Variants in LAP3 observed in about 807,000 individuals in gnomAD.
LAP3 encodes the protein leucine aminopeptidase 3.
Under a neutral mutation model 58.8 loss-of-function variants are expected in LAP3, and 46 were observed. The ratio of observed to expected loss-of-function variants is 0.78; its 90% CI spans 0.62 to 1.00. LAP3 has a LOEUF of 1.00. Ranked by LOEUF, LAP3 falls within the 50% of genes least tolerant of loss-of-function variation. LAP3 has a pLI of 0.00. For missense variants in LAP3, 615 were observed against 659.1 expected (o/e 0.93, Z 0.73); for synonymous variants, 257 against 237.7 (o/e 1.08, Z -0.75).
rs10939736 is a variant in LAP3 at position 17,579,994 on chromosome 4, T to A, written c.218+55T>A. The A allele has an allele frequency of 0.64, 662,558 of 1,029,210 alleles. 216,967 individuals are homozygous for A. The highest frequency in any genetic ancestry group is 0.9 in the East Asian group (36,123 of 40,218). The allele number at this position is 1,029,210 out of a possible 1,614,324, so 63.8% of individuals were successfully genotyped here. On this transcript the variant is annotated intron_variant, in intron 2 of 12. Coordinates refer to ENST00000226299, the MANE Select transcript of LAP3 (RefSeq NM_015907.3). ...AAAGTGCCCCCAAATCGAAACAGTA[T>A]TTTTTCTTTCTTTTCTTTTTTGAAA...
intron 7 of LAP3, among the ~76,000 whole-genome samples, chr4:17,593,352 T>G (rs1228697843): frequency 2.0e-5 from 3 of 152,090 alleles, no homozygotes; most frequent in Non-Finnish European, 4.4e-5. Flanking sequence ...ACTTCTGCAC[T>G]GTTTGTTGAA....
chr4:17,585,570 G>A (rs1168464074), intron 6 of LAP3: 1 of 155,822 alleles, frequency 6.4e-6, no homozygotes, highest in Non-Finnish European at 1.4e-5. Flanking sequence ...TTACAGGTGT[G>A]TGCCACCATG....
intron 10 of LAP3, among the ~76,000 whole-genome samples, chr4:17,601,736 T>G (rs1030153645): frequency 6.6e-6 from 1 of 152,104 alleles, no homozygotes; most frequent in Non-Finnish European, 1.5e-5. Context: ...CCTAATACAA[T>G]GTAAATGCTA....
chr4:17,593,426 T>C (rs1412128839), intron 7 of LAP3, among the ~76,000 whole-genome samples: 4 of 152,056 alleles, frequency 2.6e-5, no homozygotes, highest in Non-Finnish European at 5.9e-5. Flanking sequence ...GTCCATATAA[T>C]TGTAGGTCTG....
intron 7 of LAP3, among the ~76,000 whole-genome samples, chr4:17,590,557 A>G (rs1383041874): frequency 6.6e-6 from 1 of 152,138 alleles, no homozygotes; most frequent in African/African-American, 2.4e-5. Context: ...CTATTGTACT[A>G]AAGTGTCTAT....
At position 17,590,084 on chromosome 4, in the gene LAP3, A is replaced by G. The variant is rs536763349; in HGVS notation, c.863+1107A>G. On this transcript the variant is annotated intron_variant, in intron 7 of 12. Transcript: ENST00000226299. Reference sequence around the variant, plus strand: ...GGATGCCAGCGAGTATGAGACGTAAAAAGGGCTACTTAGCAAAAAAACTAG... The same window carrying G: ...GGATGCCAGCGAGTATGAGACGTAAGAAGGGCTACTTAGCAAAAAAACTAG... 5.7e-4 allele frequency among the ~76,000 whole-genome samples: 87 copies of G among 152,314 alleles called. 1 individual carries two copies. The South Asian group carries it at 0.018, about 31-fold the overall frequency.
intron 11 of LAP3, among the ~76,000 whole-genome samples, chr4:17,604,984 C>T (rs1243814027): frequency 1.3e-5 from 2 of 152,076 alleles, no homozygotes; most frequent in Non-Finnish European, 2.9e-5. Context: ...TGTGGAGCAG[C>T]GTTTGTGACT....
intron 10 of LAP3, among the ~76,000 whole-genome samples, chr4:17,600,629 G>GT (rs1553882373): frequency 6.6e-6 from 1 of 152,046 alleles, no homozygotes; most frequent in Non-Finnish European, 1.5e-5. Context: ...TTGGCCCTAC[G>GT]TAAGCAAGGG....
intron 10 of LAP3, among the ~76,000 whole-genome samples, chr4:17,601,310 A>C (rs949204573): frequency 2.0e-5 from 3 of 152,196 alleles, no homozygotes; most frequent in Admixed American, 1.3e-4. Flanking sequence ...AATTATAGAG[A>C]ATAAACTATT....
chr4:17,583,332 A>T, intron 4 of LAP3, 151 bp from the exon 5 acceptor site: 2 of 798,406 alleles, frequency 2.5e-6, no homozygotes, highest in Non-Finnish European at 4.1e-6. Flanking sequence ...CATTTTACAG[A>T]AGAGGAAATG....
chr4:17,598,214 G>A (rs3775926), intron 9 of LAP3, among the ~76,000 whole-genome samples: 95,009 of 151,888 alleles, frequency 0.63, 30,248 homozygotes, highest in East Asian at 0.89. Flanking sequence ...GCCTAGGCTG[G>A]TGTCGAGCTC....
chr4:17,581,961 C>G lies in LAP3; in HGVS notation c.273+147C>G, dbSNP rs1308207232. On this transcript the variant is annotated intron_variant, in intron 3 of 12. Coordinates refer to ENST00000226299, the MANE Select transcript of LAP3 (RefSeq NM_015907.3). The stretch of plus-strand genomic sequence containing the variant: ...AAGCAGAACATTTAAGATTAAGAGG[C>G]GATTTGCTGTCAAAAACTACTGCCT... 4.3e-6 allele frequency: 3 copies of G among 701,230 alleles called. No individual in the cohort carries two copies. The South Asian group carries it at 5.7e-5, about 13-fold the overall frequency. The allele number at this position is 701,230 out of a possible 1,614,324, so 43.4% of individuals were successfully genotyped here.
At chr4:17,585,735 TCA>T (rs937475960) in intron 6 of LAP3, 1 of 152,506 alleles carries the variant, frequency 6.6e-6, no homozygotes, top group African/African-American at 2.4e-5. Context: ...TTTAGAATAT[TCA>T]CAGAGTTGTG....
At position 17,603,034 on chromosome 4, in the gene LAP3, G is replaced by A. The variant is rs185205387; in HGVS notation, c.1181-1554G>A. ...CATAAAAGGAAGAACACAGCCAGGCGCGATGGCTCACACCTGTAATCCCAG... is the reference window on the plus strand; with the variant it reads ...CATAAAAGGAAGAACACAGCCAGGCACGATGGCTCACACCTGTAATCCCAG... On this transcript the variant is annotated intron_variant, in intron 10 of 12. Coordinates refer to ENST00000226299, the MANE Select transcript of LAP3 (RefSeq NM_015907.3). Among the ~76,000 whole-genome samples, 240 of 151,458 alleles carry A rather than the reference G, an allele frequency of 1.6e-3. 1 individual carries two copies. Among genetic ancestry groups the A allele is most frequent in the African/African-American group, 5.1e-3 (211 of 41,362 alleles).
intron 9 of LAP3, among the ~76,000 whole-genome samples, chr4:17,598,041 C>T (rs575754945): frequency 6.6e-6 from 1 of 152,354 alleles, no homozygotes; most frequent in African/African-American, 2.4e-5. Flanking sequence ...GAAATCTTTA[C>T]ATTTTTCCCC....
intron 7 of LAP3, among the ~76,000 whole-genome samples, chr4:17,592,163 A>C (rs1198325995): frequency 6.6e-6 from 1 of 152,206 alleles, no homozygotes; most frequent in Non-Finnish European, 1.5e-5. Context: ...GTATACACCT[A>C]TGCACCGTTC....
At chr4:17,578,245 G>A (rs1577217280) in intron 1 of LAP3, among the ~76,000 whole-genome samples, 1 of 152,260 alleles carries the variant, frequency 6.6e-6, no homozygotes, top group Non-Finnish European at 1.5e-5. Context: ...CGTTCTAGGG[G>A]GAGCTTGAGC....
Position 17,607,556 on chromosome 4 carries a change from G to A in LAP3, c.1527G>A (p.Glu509=), listed in dbSNP as rs1484017403. ...MTGRPTRTLI[E]FLLRFSQDNA ...GGAGGCCCACAAGGACTCTCATTGA[G>A]TTCTTACTTCGTTTCAGTCAAGACA... is the stretch of plus-strand genomic sequence containing the variant. Residue 509 remains glutamate (E), a synonymous_variant, in exon 13 of 13, where the codon GAG becomes GAA. Coordinates refer to ENST00000226299, the MANE Select transcript of LAP3 (RefSeq NM_015907.3). The A allele has an allele frequency of 6.2e-7, 1 of 1,613,394 alleles. No individual in the cohort carries two copies. The highest frequency in any genetic ancestry group is 8.5e-7 in the Non-Finnish European group (1 of 1,179,868).
intron 10 of LAP3, among the ~76,000 whole-genome samples, chr4:17,604,035 GGTC>G (rs1714052733): frequency 6.6e-6 from 1 of 151,704 alleles, no homozygotes; most frequent in South Asian, 2.1e-4. Flanking sequence ...TGGCCAGGCT[GGTC>G]TCGAACTCCT....
Sources: gnomAD v4.1 joint callset for allele counts (sites outside exome capture counted in the v4.1 genomes callset) on GRCh38, gnomAD v4.1.1 for gene constraint, MANE v1.5 for transcripts, NCBI Gene and HGNC (gene_info 2026-07-23, HGNC 2026-07-21) for gene names.